SLC38A2: variants seen among roughly 807,000 people sequenced by gnomAD.
SLC38A2 encodes solute carrier family 38 member 2, also known as sodium-coupled neutral amino acid symporter 2.
A neutral mutation model predicts 61.5 loss-of-function variants in SLC38A2; 11 were observed. The ratio of observed to expected loss-of-function variants is 0.18; its 90% CI spans 0.11 to 0.30. SLC38A2 has a LOEUF of 0.30. Among genes scored for constraint, SLC38A2 ranks in the 10% least tolerant of loss-of-function variants. The pLI, the probability that SLC38A2 is intolerant of heterozygous loss-of-function variation, is 1.00. For synonymous variants in SLC38A2, 217 were observed against 212.5 expected (o/e 1.02, Z -0.18); for missense variants, 522 against 600.4 (o/e 0.87, Z 1.36).
rs1943186874 is a variant in SLC38A2 at position 46,370,769 on chromosome 12, A to C, written c.198+7T>G. The C allele has an allele frequency of 6.2e-7, 1 of 1,605,628 alleles. No homozygotes were observed. The highest frequency in any genetic ancestry group is 1.1e-5 in the South Asian group (1 of 89,798). On this transcript the variant is annotated splice_region_variant and intron_variant, in intron 3 of 15. Coordinates refer to ENST00000256689, the MANE Select transcript of SLC38A2 (RefSeq NM_018976.5). ...CACTGACAGACAAATTACTATTTTT[A>C]ACTTACAAATTCTGTTTCATACTTC...
In SLC38A2 at chr12:46,372,726, C is replaced by T; in HGVS notation, c.-304G>A. ...GCGGTAACGCGTGGTCGGGCTGCTG[C>T]TAGCAGTACTGGAAAGGCGTTCTAA... On this transcript the variant is annotated 5_prime_UTR_variant, in exon 1 of 16. Coordinates refer to ENST00000256689, the MANE Select transcript of SLC38A2 (RefSeq NM_018976.5). The T allele has an allele frequency of 5.0e-6, 2 of 398,464 alleles. No individual in the cohort carries two copies. Among genetic ancestry groups the T allele is most frequent in the East Asian group, 3.6e-5 (1 of 28,062 alleles). 24.7% of individuals were successfully genotyped at this position (398,464 alleles called of 1,614,324 possible).
At position 46,364,473 on chromosome 12, in the gene SLC38A2, C is replaced by T. The variant is rs1174829308; in HGVS notation, c.789G>A (p.Gln263=). 1 of 1,612,876 alleles carries T rather than the reference C, an allele frequency of 6.2e-7. No homozygotes were observed. The highest frequency in any genetic ancestry group is 8.5e-7 in the Non-Finnish European group (1 of 1,179,422). Residue 263 remains glutamine (Q), a synonymous_variant, in exon 10 of 16, where the codon CAG becomes CAA. Transcript: ENST00000256689. Reference sequence around the variant, plus strand: ...ACAAAGCAGGTACAAGAGCTGTTGGCTGTGTTAAGGTGGTGTTTATTGTTT... The same window carrying T: ...ACAAAGCAGGTACAAGAGCTGTTGGTTGTGTTAAGGTGGTGTTTATTGTTT... The part of the protein sequence containing the change: ...INETINTTLT[Q]PTALVPALSH...
At chr12:46,366,758 A>G (rs1244408519) in intron 7 of SLC38A2, 106 bp downstream of exon 7, 1 of 1,062,138 alleles carries the variant, frequency 9.4e-7, no homozygotes, top group Non-Finnish European at 1.3e-6. Flanking sequence ...CAAAAGGAAC[A>G]TTTATGGATA....
At chr12:46,363,469 C>T (rs1259538691) in intron 12 of SLC38A2, among the ~76,000 whole-genome samples, 6 of 151,964 alleles carry the variant, frequency 3.9e-5, no homozygotes, top group Non-Finnish European at 8.8e-5. Context: ...GCAATATGAA[C>T]TCAGAGGCTG....
At chr12:46,369,940 G>A (rs755914367) in intron 4 of SLC38A2, among the ~76,000 whole-genome samples, 15 of 152,022 alleles carry the variant, frequency 9.9e-5, no homozygotes, top group Non-Finnish European at 2.1e-4. Flanking sequence ...CAATCGAACA[G>A]GTCTGACAAA....
Position 46,364,360 on chromosome 12 carries a change from CTTT to C in SLC38A2, c.873+26_873+28del, listed in dbSNP as rs3837525. ...TCCCTCTTTTCTTCCCTAAACTCTTCTTTTGAGAAAATAAGCATATTTAGTTAC... is the reference window on the plus strand; with the variant it reads ...TCCCTCTTTTCTTCCCTAAACTCTTCTGAGAAAATAAGCATATTTAGTTAC... On this transcript the variant is annotated intron_variant, in intron 10 of 15. Coordinates refer to ENST00000256689, the MANE Select transcript of SLC38A2 (RefSeq NM_018976.5). 0.014 allele frequency: 21,339 copies of C among 1,548,226 alleles called. 1,858 individuals carry two copies. The East Asian group carries it at 0.26, about 19-fold the overall frequency.
chr12:46,364,297 C>T (rs1306734490), intron 10 of SLC38A2, 92 bp downstream of exon 10: 1 of 1,304,332 alleles, frequency 7.7e-7, no homozygotes, highest in Non-Finnish European at 1.0e-6. Context: ...TATAAAGCAC[C>T]TATTATCCTC....
Position 46,362,531 on chromosome 12 carries a change from G to C in SLC38A2, c.1287C>G (p.Ile429Met). 1 of 1,598,780 alleles carries C rather than the reference G, an allele frequency of 6.3e-7. No individual in the cohort carries two copies. The highest frequency in any genetic ancestry group is 1.8e-5 in the Admixed American group (1 of 55,008). Residue 429 changes from isoleucine to methionine, a missense_variant, in exon 14 of 16, where the codon ATC becomes ATG. Physicochemically the swap from Ile to Met is conservative, Grantham distance 10. This residue lies in a region of SLC38A2 where 309 missense variants were observed against 343.9 expected (regional missense o/e 0.90). Transcript: ENST00000256689. ...AGATATCCCTAATAGTTGGGACAAA[G>C]ATGACAAGTAAATTGGTAAATGCCA... ...SILAFTNLLV[I>M]FVPTIRDIFG...
In SLC38A2 at chr12:46,372,677, G is replaced by T. The variant is rs547419428; in HGVS notation, c.-255C>A. 3 of 398,558 alleles carry T rather than the reference G, an allele frequency of 7.5e-6. No individual in the cohort carries two copies. In the East Asian group the frequency reaches 1.1e-4, roughly 14 times the overall value. The allele number at this position is 398,558 out of a possible 1,614,324, so 24.7% of individuals were successfully genotyped here. A position where few individuals can be genotyped will look rare whatever the true frequency, so the allele number is the denominator to read the frequency against. ...CCGCCCCAATCCTCCGGCGTCCGCC[G>T]TGTCAAGGGAAAGGCGCGAGCGTGC... On this transcript the variant is annotated 5_prime_UTR_variant, in exon 1 of 16. Coordinates refer to ENST00000256689, the MANE Select transcript of SLC38A2 (RefSeq NM_018976.5).
chr12:46,366,978 G>C lies in SLC38A2; in HGVS notation c.482-33C>G, dbSNP rs369904385. On this transcript the variant is annotated intron_variant, in intron 6 of 15. Transcript: ENST00000256689. Reference sequence around the variant, plus strand: ...AAAACAAAATTATACCATTACAAGTGCAAAACGCGGCACGTGACACTAAAA... The same window carrying C: ...AAAACAAAATTATACCATTACAAGTCCAAAACGCGGCACGTGACACTAAAA... 3.1e-6 allele frequency: 5 copies of C among 1,609,184 alleles called. No homozygotes were observed. In the African/African-American group the frequency reaches 5.4e-5, roughly 17 times the overall value.
In SLC38A2 at chr12:46,359,294, C is replaced by T. The variant is rs1009849304; in HGVS notation, c.*1817G>A. The stretch of plus-strand genomic sequence containing the variant: ...TAGAATCTGTCTTCCCACTGCCTTT[C>T]TATTTCTAGATGGCCCCCAATTATT... On this transcript the variant is annotated 3_prime_UTR_variant, in exon 16 of 16. Transcript: ENST00000256689. 6.6e-6 allele frequency: 1 copy of T among 152,558 alleles called. No homozygotes were observed. Among genetic ancestry groups the T allele is most frequent in the Non-Finnish European group, 1.5e-5 (1 of 68,014 alleles). 9.5% of individuals were successfully genotyped at this position (152,558 alleles called of 1,614,324 possible). A position where few individuals can be genotyped will look rare whatever the true frequency, so the allele number is the denominator to read the frequency against.
intron 4 of SLC38A2, among the ~76,000 whole-genome samples, chr12:46,368,251 A>G (rs900362257): frequency 1.3e-5 from 2 of 152,166 alleles, no homozygotes; most frequent in South Asian, 2.1e-4. Flanking sequence ...GACATACTAC[A>G]TTGCACCCCA....
intron 1 of SLC38A2, 120 bp from the exon 2 acceptor site, chr12:46,371,499 C>CCG (rs971320021): frequency 7.5e-6 from 4 of 535,026 alleles, no homozygotes; most frequent in Admixed American, 3.7e-5. Flanking sequence ...AAAGTACCAG[C>CCG]CGCGCGCGAG....
Position 46,364,459 on chromosome 12 carries a change from ACAAGAGC to A in SLC38A2, c.796_802del (p.Ala266TyrfsTer8). On this transcript the variant is annotated frameshift_variant, in exon 10 of 16. Coordinates refer to ENST00000256689, the MANE Select transcript of SLC38A2 (RefSeq NM_018976.5). LOFTEE classifies it high-confidence loss of function. ...AGTCACGTTATGTGACAAAGCAGGT[ACAAGAGC>A]TGTTGGCTGTGTTAAGGTGGTGTTT... 6.2e-7 allele frequency: 1 copy of A among 1,612,822 alleles called. No homozygotes were observed. Among genetic ancestry groups the A allele is most frequent in the Non-Finnish European group, 8.5e-7 (1 of 1,179,370 alleles).
At position 46,365,269 on chromosome 12, in the gene SLC38A2, C is replaced by T. The variant is rs759100053; in HGVS notation, c.564-80G>A. On this transcript the variant is annotated intron_variant, in intron 7 of 15. Coordinates refer to ENST00000256689, the MANE Select transcript of SLC38A2 (RefSeq NM_018976.5). ...ACACATCTTCTAACAGGACTCATTTCATAGGAATACCATGAAAACAAACAC... is the reference window on the plus strand; with the variant it reads ...ACACATCTTCTAACAGGACTCATTTTATAGGAATACCATGAAAACAAACAC... 18 of 1,134,606 alleles carry T rather than the reference C, an allele frequency of 1.6e-5. No individual in the cohort carries two copies. The African/African-American group carries it at 2.6e-4, about 17-fold the overall frequency. 70.3% of individuals were successfully genotyped at this position (1,134,606 alleles called of 1,614,324 possible).
At chr12:46,365,259 G>A (rs1943127578) in intron 7 of SLC38A2, 70 bp from the exon 8 acceptor site, 1 of 1,239,962 alleles carries the variant, frequency 8.1e-7, no homozygotes, top group East Asian at 2.3e-5. Context: ...TCTTCTAACA[G>A]GACTCATTTC....
chr12:46,362,055 A>G, intron 15 of SLC38A2: 1 of 428,320 alleles, frequency 2.3e-6, no homozygotes, highest in Non-Finnish European at 4.2e-6. Flanking sequence ...TCCTATCTCC[A>G]AAGTATCTAA....
chr12:46,370,905 TATC>T, intron 2 of SLC38A2, 48 bp from the exon 3 acceptor site: 2 of 1,401,394 alleles, frequency 1.4e-6, no homozygotes, highest in Non-Finnish European at 2.0e-6. Flanking sequence ...TTGAAATATC[TATC>T]ATTACACACA....
intron 8 of SLC38A2, 140 bp downstream of exon 8, chr12:46,364,967 A>C (rs1487552437): frequency 2.4e-6 from 2 of 830,810 alleles, no homozygotes; most frequent in Non-Finnish European, 3.9e-6. Flanking sequence ...TTGGCTCCTA[A>C]ATTTTGCATG....
Sources: gnomAD v4.1 joint callset for allele counts (sites outside exome capture counted in the v4.1 genomes callset) on GRCh38, gnomAD v4.1.1 for gene constraint, gnomAD v4.1.1 regional missense constraint, MANE v1.5 for transcripts, NCBI Gene and HGNC (gene_info 2026-07-23, HGNC 2026-07-21) for gene names.